The following PCDH15 variants were observed in gnomAD, a reference collection of about 807,000 sequenced individuals.
PCDH15 encodes the protein protocadherin related 15, also known as protocadherin-15.
PCDH15 carries 129 observed loss-of-function variants against 178.5 expected under a neutral mutation model. The observed-to-expected ratio is 0.72, with a 90% CI of 0.63 to 0.84. The LOEUF is 0.84. Among genes scored for constraint, PCDH15 ranks in the 40% least tolerant of loss-of-function variants. The pLI, the probability that PCDH15 is intolerant of heterozygous loss-of-function variation, is 0.00. For missense variants in PCDH15, 2,230 were observed against 2,099.9 expected, an observed-to-expected ratio of 1.06 and a Z score of -1.21; for synonymous variants, 800 against 732.0, an observed-to-expected ratio of 1.09 and a Z score of -1.50.
intron 3 of PCDH15, among the ~76,000 whole-genome samples, chr10:54,835,464 T>A (rs1295373678): frequency 6.6e-6 from 1 of 152,058 alleles, no homozygotes; most frequent in Non-Finnish European, 1.5e-5. Context: ...CCTATACATA[T>A]CCATATATAA....
rs374701847 is a variant in PCDH15, at chr10:53,924,670, T to A, written c.3373+14145A>T. Among the ~76,000 whole-genome samples the A allele has an allele frequency of 2.2e-4, 34 of 152,350 alleles. No individual in the cohort carries two copies. In the East Asian group the frequency reaches 2.3e-3, roughly 10 times the overall value. ...GTCTAGTGGGGACTTGGAGAACCTT[T>A]ACGTTTAGCTAAGGGATTGTAAATA... On this transcript the variant is annotated intron_variant, in intron 25 of 37. Transcript: ENST00000644397.
chr10:54,329,694 T>G lies in PCDH15; in HGVS notation c.607A>C (p.Thr203Pro), dbSNP rs200975767. Reference protein sequence around the residue: ...YNPDDPTSNDTFEIPLMLTGN... With the variant: ...YNPDDPTSNDPFEIPLMLTGN... ...GTCAACATTAGGGGAATTTCAAAGG[T>G]GTCATTGGATGTCTGCAAATATTAA... Residue 203 changes from threonine (T) to proline (P), a missense_variant, in exon 7 of 38, where the codon ACC (threonine) becomes CCC (proline). Coordinates refer to ENST00000644397, the MANE Select transcript of PCDH15 (RefSeq NM_001384140.1). 5.1e-6 allele frequency: 8 copies of G among 1,569,424 alleles called. No homozygotes were observed. Among genetic ancestry groups the G allele is most frequent in the Non-Finnish European group, 7.0e-6 (8 of 1,139,910 alleles).
chr10:55,049,584 T>C lies in PCDH15; in HGVS notation c.-80+116992A>G, dbSNP rs1050460784. ...TAGAGAACTCTTTCATTCTTTCATA[T>C]GTTAATTTATTGAACATATAACTAA... On this transcript the variant is annotated intron_variant, in intron 2 of 5. Transcript: ENST00000458638. 1.7e-4 allele frequency among the ~76,000 whole-genome samples: 26 copies of C among 152,012 alleles called. 1 individual carries two copies. The highest frequency in any genetic ancestry group is 1.2e-3 in the Admixed American group (18 of 15,246).
chr10:54,070,280 T>G (rs2094214223), intron 17 of PCDH15, among the ~76,000 whole-genome samples: 1 of 151,988 alleles, frequency 6.6e-6, no homozygotes, highest in African/African-American at 2.4e-5. Flanking sequence ...CTCTGCTCAC[T>G]GCAACCTCCG....
chr10:54,550,353 T>G (rs1327231303), intron 2 of PCDH15, among the ~76,000 whole-genome samples: 1 of 152,166 alleles, frequency 6.6e-6, no homozygotes, highest in African/African-American at 2.4e-5. Context: ...TATCAAAATA[T>G]AATCCCCTTT....
intron 2 of PCDH15, among the ~76,000 whole-genome samples, chr10:54,599,043 C>T (rs567268724): frequency 2.0e-5 from 3 of 152,030 alleles, no homozygotes; most frequent in East Asian, 3.9e-4. Flanking sequence ...TTAAAATGAC[C>T]ATATTGCCCA....
intron 2 of PCDH15, among the ~76,000 whole-genome samples, chr10:55,487,549 C>T (rs1840321953): frequency 6.6e-6 from 1 of 151,592 alleles, no homozygotes; most frequent in South Asian, 2.1e-4. Context: ...ATTTTATAGC[C>T]AGCAGTCACA....
At chr10:54,636,896 C>T (rs994728795) in intron 2 of PCDH15, among the ~76,000 whole-genome samples, 10 of 151,844 alleles carry the variant, frequency 6.6e-5, no homozygotes, top group African/African-American at 2.2e-4. Flanking sequence ...ATTTACACAA[C>T]GTCATATCAA....
chr10:55,052,993 T>C (rs530439274), intron 2 of PCDH15, among the ~76,000 whole-genome samples: 4 of 152,160 alleles, frequency 2.6e-5, no homozygotes, highest in Non-Finnish European at 4.4e-5. Context: ...ATGTTGACAT[T>C]GTTTAAATGT....
intron 14 of PCDH15, among the ~76,000 whole-genome samples, chr10:54,138,224 TG>T (rs1172068331): frequency 6.6e-6 from 1 of 152,028 alleles, no homozygotes; most frequent in Non-Finnish European, 1.5e-5. Flanking sequence ...TGAACACTCT[TG>T]GGGGCTTGTT....
intron 21 of PCDH15, among the ~76,000 whole-genome samples, chr10:53,974,420 T>C (rs1213891272): frequency 6.6e-6 from 1 of 152,136 alleles, no homozygotes; most frequent in Non-Finnish European, 1.5e-5. Context: ...AGTAATAATA[T>C]ACTTATTTAT....
At chr10:54,054,555 A>G (rs2093843514) in intron 18 of PCDH15, among the ~76,000 whole-genome samples, 2 of 152,170 alleles carry the variant, frequency 1.3e-5, no homozygotes, top group South Asian at 4.1e-4. Context: ...ACAACTATAA[A>G]TATTTACACA....
chr10:55,023,966 G>A (rs1471032333), intron 2 of PCDH15, among the ~76,000 whole-genome samples: 2 of 148,442 alleles, frequency 1.3e-5, no homozygotes, highest in African/African-American at 4.9e-5. Context: ...CAGAGAAAGA[G>A]ATTTTATATA....
At chr10:53,975,332 A>G (rs963970165) in intron 21 of PCDH15, among the ~76,000 whole-genome samples, 10 of 151,990 alleles carry the variant, frequency 6.6e-5, no homozygotes, top group Admixed American at 3.3e-4. Context: ...TGATGATTCC[A>G]TTTTAGGTTA....
intron 18 of PCDH15, among the ~76,000 whole-genome samples, chr10:54,037,380 C>A (rs11004012): frequency 0.6 from 90,689 of 151,682 alleles, 29,818 homozygotes; most frequent in Middle Eastern, 0.76. Flanking sequence ...ACTGACACAG[C>A]CATCCCAACT....
intron 3 of PCDH15, among the ~76,000 whole-genome samples, chr10:54,425,008 TA>T (rs777958846): frequency 0.098 from 10,495 of 107,560 alleles, 1,099 homozygotes; most frequent in African/African-American, 0.28. Flanking sequence ...TAAAGTATAA[TA>T]AAAAAAAAAA....
chr10:54,734,942 G>T (rs1418330750), intron 1 of PCDH15, among the ~76,000 whole-genome samples: 2 of 151,868 alleles, frequency 1.3e-5, no homozygotes, highest in Admixed American at 6.6e-5. Context: ...TTATTGTGAT[G>T]GTGGTTACAA....
intron 1 of PCDH15, among the ~76,000 whole-genome samples, chr10:55,313,020 C>A (rs1405012852): frequency 6.6e-6 from 1 of 152,106 alleles, no homozygotes; most frequent in African/African-American, 2.4e-5. Context: ...AATTCATTAT[C>A]ACTATTTGTG....
At chr10:55,208,936 A>G (rs1840482788) in intron 1 of PCDH15, among the ~76,000 whole-genome samples, 1 of 152,094 alleles carries the variant, frequency 6.6e-6, no homozygotes, top group Non-Finnish European at 1.5e-5. Flanking sequence ...GGAAATAATG[A>G]ACTAAATTAA....
Sources: allele counts gnomAD v4.1 joint callset (sites outside exome capture counted in the v4.1 genomes callset), GRCh38; gene constraint gnomAD v4.1.1; transcripts MANE v1.5; gene names NCBI Gene and HGNC (gene_info 2026-07-23, HGNC 2026-07-21).